The following DPP10 variants were observed in gnomAD, a reference collection of about 807,000 sequenced individuals.
The protein encoded by DPP10 is dipeptidyl peptidase like 10, also known as inactive dipeptidyl peptidase 10.
DPP10 carries 33 observed loss-of-function variants against 120.9 expected under a neutral mutation model. The ratio of observed to expected loss-of-function variants is 0.27; its 90% CI spans 0.21 to 0.37. The LOEUF is 0.37. Ranked by LOEUF, DPP10 falls within the 10% of genes least tolerant of loss-of-function variation. The pLI is 1.00. For synonymous variants in DPP10, 337 were observed against 326.1 expected, an observed-to-expected ratio of 1.03 and a Z score of -0.36; for missense variants, 816 against 942.8, an observed-to-expected ratio of 0.87 and a Z score of 1.76.
rs188254408 is a variant in DPP10 at position 114,990,301 on chromosome 2, C to A, written c.61-318938C>A. Among the ~76,000 whole-genome samples the A allele has an allele frequency of 1.6e-4, 25 of 152,130 alleles. No individual in the cohort carries two copies. The East Asian group carries it at 4.8e-3, about 29-fold the overall frequency. On this transcript the variant is annotated intron_variant, in intron 1 of 25. Transcript: ENST00000410059. Reference sequence around the variant, plus strand: ...ATAAAGAGATTAGAAACAAGGAGATCCTAAGTCTTCTATGATGGCATTCTA... The same window carrying A: ...ATAAAGAGATTAGAAACAAGGAGATACTAAGTCTTCTATGATGGCATTCTA...
At chr2:115,746,285 A>C (rs1677961907) in intron 10 of DPP10, 102 bp downstream of exon 10, 1 of 1,043,502 alleles carries the variant, frequency 9.6e-7, no homozygotes, top group Non-Finnish European at 1.4e-6. Context: ...CAACAAATCC[A>C]CTTGAAAATA....
chr2:115,098,509 C>T (rs896388210), intron 1 of DPP10, among the ~76,000 whole-genome samples: 12 of 151,874 alleles, frequency 7.9e-5, no homozygotes, highest in Non-Finnish European at 8.8e-5. Context: ...CAAACCTGTA[C>T]GACATGTTAT....
intron 1 of DPP10, among the ~76,000 whole-genome samples, chr2:115,263,651 G>A (rs1574216454): frequency 6.6e-6 from 1 of 152,126 alleles, no homozygotes; most frequent in African/African-American, 2.4e-5. Context: ...TAGGTAAGCT[G>A]TTTCAAAGGC....
chr2:114,829,035 T>C (rs1356211313), intron 1 of DPP10, among the ~76,000 whole-genome samples: 2 of 152,096 alleles, frequency 1.3e-5, no homozygotes, highest in Non-Finnish European at 2.9e-5. Flanking sequence ...AGGCCTGTAA[T>C]CCCAGCATTT....
intron 5 of DPP10, among the ~76,000 whole-genome samples, chr2:115,554,219 C>T (rs2080066757): frequency 6.6e-6 from 1 of 151,656 alleles, no homozygotes; most frequent in Admixed American, 6.6e-5. Flanking sequence ...AATTATGTCA[C>T]ATGTGAAAAA....
intron 3 of DPP10, among the ~76,000 whole-genome samples, chr2:115,409,985 G>A (rs1377838636): frequency 6.6e-6 from 1 of 152,126 alleles, no homozygotes; most frequent in Non-Finnish European, 1.5e-5. Context: ...GCATAAGAAC[G>A]ATATAATGTT....
At chr2:115,039,171 T>A (rs1395593807) in intron 1 of DPP10, among the ~76,000 whole-genome samples, 1 of 152,060 alleles carries the variant, frequency 6.6e-6, no homozygotes, top group Non-Finnish European at 1.5e-5. Flanking sequence ...ATTTCTTGGT[T>A]TTGCTGGAGG....
At chr2:115,367,609 AT>A (rs113099151) in intron 3 of DPP10, among the ~76,000 whole-genome samples, 1,677 of 152,040 alleles carry the variant, frequency 0.011, 22 homozygotes, top group African/African-American at 0.035. Context: ...ATGTCTTATA[AT>A]TTTTAAAGAT....
At chr2:115,104,170 CTTTTTTTTT>C (rs35125894) in intron 1 of DPP10, among the ~76,000 whole-genome samples, 2 of 84,656 alleles carry the variant, frequency 2.4e-5, no homozygotes, top group East Asian at 3.9e-4. Flanking sequence ...ATACATATGT[CTTTTTTTTT>C]TTTTTTTTTT....
chr2:115,410,445 A>C (rs946503980), intron 3 of DPP10, among the ~76,000 whole-genome samples: 2 of 152,162 alleles, frequency 1.3e-5, no homozygotes, highest in Non-Finnish European at 2.9e-5. Flanking sequence ...ACATGGACAC[A>C]GGGAGGGGAA....
At chr2:115,332,976 C>T (rs1463910240) in intron 2 of DPP10, among the ~76,000 whole-genome samples, 1 of 151,956 alleles carries the variant, frequency 6.6e-6, no homozygotes, top group East Asian at 1.9e-4. Context: ...CCTGGATGTC[C>T]TTTTTAACTT....
At chr2:115,663,686 G>C (rs1209131595) in intron 5 of DPP10, among the ~76,000 whole-genome samples, 2 of 152,086 alleles carry the variant, frequency 1.3e-5, no homozygotes, top group East Asian at 3.9e-4. Flanking sequence ...TATGAAGAAG[G>C]CTTCTTATAT....
At chr2:115,064,118 G>A (rs546977134) in intron 1 of DPP10, among the ~76,000 whole-genome samples, 2 of 151,758 alleles carry the variant, frequency 1.3e-5, no homozygotes, top group African/African-American at 2.4e-5. Context: ...TGGGATTGTT[G>A]TTCATTTGTT....
chr2:115,627,720 C>T (rs575979244), intron 5 of DPP10, among the ~76,000 whole-genome samples: 1 of 152,148 alleles, frequency 6.6e-6, no homozygotes, highest in Non-Finnish European at 1.5e-5. Context: ...TGTTGTTCCC[C>T]TCCCTGTGTC....
intron 1 of DPP10, among the ~76,000 whole-genome samples, chr2:114,811,135 G>A (rs764983603): frequency 3.3e-4 from 51 of 152,278 alleles, no homozygotes; most frequent in African/African-American, 1.2e-3. Context: ...AGGAGAAGAT[G>A]TGAGATTCTC....
chr2:114,719,461 C>T (rs927352662), intron 1 of DPP10, among the ~76,000 whole-genome samples: 1 of 152,146 alleles, frequency 6.6e-6, no homozygotes, highest in Admixed American at 6.6e-5. Context: ...TGTTCATGTC[C>T]GCTGCTTCTC....
chr2:115,391,520 C>T (rs563280457), intron 3 of DPP10, among the ~76,000 whole-genome samples: 1 of 152,198 alleles, frequency 6.6e-6, no homozygotes, highest in East Asian at 1.9e-4. Context: ...GATTTGAGAC[C>T]TGGGTCCTCA....
At chr2:115,006,174 T>C (rs1701826098) in intron 1 of DPP10, among the ~76,000 whole-genome samples, 2 of 151,508 alleles carry the variant, frequency 1.3e-5, no homozygotes, top group Non-Finnish European at 2.9e-5. Context: ...TGCTGAGAGA[T>C]TTTGTCACCA....
At chr2:114,721,064 T>TC (rs1701674708) in intron 1 of DPP10, among the ~76,000 whole-genome samples, 2 of 152,234 alleles carry the variant, frequency 1.3e-5, no homozygotes, top group South Asian at 4.1e-4. Flanking sequence ...TTACACAGCA[T>TC]AACCTATCCC....
Sources: allele counts gnomAD v4.1 joint callset (sites outside exome capture counted in the v4.1 genomes callset), GRCh38; gene constraint gnomAD v4.1.1; transcripts MANE v1.5; gene names NCBI Gene and HGNC (gene_info 2026-07-23, HGNC 2026-07-21).